SYNPR: variants seen among roughly 807,000 people sequenced by gnomAD.
SYNPR encodes synaptoporin.
SYNPR carries 23 observed loss-of-function variants against 32.9 expected under a neutral mutation model. The observed-to-expected ratio is 0.70, with a 90% CI of 0.50 to 0.99. The LOEUF is 0.99. Among genes scored for constraint, SYNPR ranks in the 50% least tolerant of loss-of-function variants. The pLI is 0.00. For missense variants in SYNPR, 318 were observed against 349.3 expected, an observed-to-expected ratio of 0.91 and a Z score of 0.71; for synonymous variants, 146 against 135.9, an observed-to-expected ratio of 1.07 and a Z score of -0.52.
chr3:63,589,390 C>T (rs1360275389), intron 4 of SYNPR, among the ~76,000 whole-genome samples: 1 of 152,082 alleles, frequency 6.6e-6, no homozygotes, highest in Non-Finnish European at 1.5e-5. Flanking sequence ...GTACTAGGAC[C>T]ATGTCTGTTT....
At chr3:63,218,432 G>C in the SYNPR span, among the ~76,000 whole-genome samples, 5 of 152,196 alleles carry the variant, frequency 3.3e-5, no homozygotes, top group African/African-American at 1.2e-4. Flanking sequence ...TTCTCTGTAT[G>C]TTCTACTTCT....
intron 3 of SYNPR, among the ~76,000 whole-genome samples, chr3:63,488,961 T>C (rs1701206642): frequency 6.6e-6 from 1 of 152,182 alleles, no homozygotes; most frequent in Non-Finnish European, 1.5e-5. Context: ...ATTGCAAGAT[T>C]GGAAAACTTT....
chr3:63,569,810 G>A (rs538070902), intron 4 of SYNPR, among the ~76,000 whole-genome samples: 67 of 152,152 alleles, frequency 4.4e-4, no homozygotes, highest in Non-Finnish European at 9.0e-4. Flanking sequence ...AATCCCATGT[G>A]ATTTTTTTTT....
At chr3:63,456,192 C>T (rs1056620939) in intron 2 of SYNPR, among the ~76,000 whole-genome samples, 1 of 152,052 alleles carries the variant, frequency 6.6e-6, no homozygotes, top group Non-Finnish European at 1.5e-5. Flanking sequence ...GGGTCCTTCC[C>T]ACAGCTTGTG....
At chr3:63,316,223 G>A (rs1158767276) in intron 2 of SYNPR, among the ~76,000 whole-genome samples, 2 of 151,782 alleles carry the variant, frequency 1.3e-5, no homozygotes, top group African/African-American at 4.8e-5. Context: ...TTCCTGGTTT[G>A]GGTATTAGGG....
intron 2 of SYNPR, among the ~76,000 whole-genome samples, chr3:63,452,645 AT>A (rs1700399605): frequency 1.3e-5 from 2 of 150,488 alleles, no homozygotes; most frequent in Non-Finnish European, 3.0e-5. Context: ...CAACAGCACC[AT>A]GAAAGATCAC....
At chr3:63,448,246 CT>C (rs148843949) in intron 2 of SYNPR, among the ~76,000 whole-genome samples, 9,770 of 152,240 alleles carry the variant, frequency 0.064, 545 homozygotes, top group East Asian at 0.28. Context: ...TCAGGTGATC[CT>C]CCTGCCTCGG....
At chr3:63,263,584 C>T (rs2086457227) in intron 2 of SYNPR, among the ~76,000 whole-genome samples, 1 of 152,168 alleles carries the variant, frequency 6.6e-6, no homozygotes, top group Admixed American at 6.5e-5. Flanking sequence ...TCAGTTGGGG[C>T]AGCTTTACCA....
intron 3 of SYNPR, among the ~76,000 whole-genome samples, chr3:63,494,490 T>TATATACAC (rs1559516497): frequency 4.2e-4 from 57 of 134,922 alleles, no homozygotes; most frequent in African/African-American, 1.5e-3. Flanking sequence ...TATATATACA[T>TATATACAC]ATATATACAT....
At chr3:63,362,628 G>A (rs2087676056) in intron 2 of SYNPR, among the ~76,000 whole-genome samples, 1 of 152,146 alleles carries the variant, frequency 6.6e-6, no homozygotes, top group African/African-American at 2.4e-5. Context: ...ATATAGCAAT[G>A]ACTGTATAAT....
chr3:63,272,095 T>C (rs2086541185), intron 3 of SYNPR, among the ~76,000 whole-genome samples: 1 of 152,218 alleles, frequency 6.6e-6, no homozygotes, highest in South Asian at 2.1e-4. Context: ...AGGGTGTTAA[T>C]ATCATAGACC....
chr3:63,209,774 T>A, the SYNPR span, among the ~76,000 whole-genome samples: 1 of 152,218 alleles, frequency 6.6e-6, no homozygotes, highest in African/African-American at 2.4e-5. Context: ...GCTCATAGCA[T>A]CCTAAACTTT....
intron 2 of SYNPR, chr3:63,252,669 A>T (rs531079368): frequency 6.6e-6 from 1 of 152,168 alleles, no homozygotes; most frequent in Non-Finnish European, 1.5e-5. Context: ...CTGCGTTTTC[A>T]TACCCCCTAG....
chr3:63,406,944 G>A (rs563090948), intron 2 of SYNPR, among the ~76,000 whole-genome samples: 44 of 152,254 alleles, frequency 2.9e-4, no homozygotes, highest in African/African-American at 6.7e-4. Flanking sequence ...GTTGACTATC[G>A]AGAATCTAAG....
At chr3:63,409,194 T>C (rs2088428612) in intron 2 of SYNPR, among the ~76,000 whole-genome samples, 1 of 152,138 alleles carries the variant, frequency 6.6e-6, no homozygotes, top group Non-Finnish European at 1.5e-5. Context: ...CAAGTCTCCT[T>C]ATATATCAAA....
chr3:63,430,716 G>A (rs1245714678), intron 2 of SYNPR, among the ~76,000 whole-genome samples: 2 of 152,152 alleles, frequency 1.3e-5, no homozygotes, highest in Non-Finnish European at 2.9e-5. Context: ...GAGAGACCTA[G>A]ATTCAGAGCT....
chr3:63,482,117 G>A (rs189222337), intron 3 of SYNPR, among the ~76,000 whole-genome samples: 3 of 152,220 alleles, frequency 2.0e-5, no homozygotes, highest in Admixed American at 6.5e-5. Flanking sequence ...GCGGTGGAGA[G>A]CAGGGTAATA....
At chr3:63,438,614 A>G (rs1700122488) in intron 2 of SYNPR, among the ~76,000 whole-genome samples, 1 of 152,236 alleles carries the variant, frequency 6.6e-6, no homozygotes, top group African/African-American at 2.4e-5. Flanking sequence ...TGGAGAAAAC[A>G]ACTTTCTCTT....
intron 2 of SYNPR, among the ~76,000 whole-genome samples, chr3:63,389,833 T>C (rs527620197): frequency 6.6e-6 from 1 of 152,236 alleles, no homozygotes; most frequent in Non-Finnish European, 1.5e-5. Flanking sequence ...TTCTCACATA[T>C]AAAGTGGAGC....
Sources: gnomAD v4.1 joint callset for allele counts (sites outside exome capture counted in the v4.1 genomes callset) on GRCh38, gnomAD v4.1.1 for gene constraint, MANE v1.5 for transcripts, NCBI Gene and HGNC (gene_info 2026-07-23, HGNC 2026-07-21) for gene names.